The following TRIM26 variants were observed in gnomAD, a reference collection of about 807,000 sequenced individuals.
The protein encoded by TRIM26 is tripartite motif containing 26.
In TRIM26, 16 loss-of-function variants were observed where a neutral mutation model predicts 45.5. That is an observed-to-expected ratio of 0.35 (90% CI 0.24 to 0.53). The LOEUF (loss-of-function observed/expected upper bound fraction) is 0.53, where lower values mean the gene tolerates loss of function less well. TRIM26 is among the 20% of genes least tolerant of loss of function. The pLI is 0.92. For synonymous variants in TRIM26, 273 were observed against 290.4 expected, an observed-to-expected ratio of 0.94 and a Z score of 0.61; for missense variants, 442 against 691.1, an observed-to-expected ratio of 0.64 and a Z score of 4.04.
chr6:30,213,055 T>C (rs1027907057), intron 1 of TRIM26, among the ~76,000 whole-genome samples: 1 of 151,910 alleles, frequency 6.6e-6, no homozygotes, highest in Non-Finnish European at 1.5e-5. Flanking sequence ...CAGACTAGAA[T>C]GGATGGGAGT....
rs1193217324 is a variant in TRIM26, at chr6:30,186,586, A to C, written c.938-28T>G. The C allele has an allele frequency of 4.7e-6, 7 of 1,492,998 alleles. No homozygotes were observed. Among genetic ancestry groups the C allele is most frequent in the South Asian group, 1.4e-5 (1 of 70,142 alleles). The allele number at this position is 1,492,998 out of a possible 1,614,324, so 92.5% of individuals were successfully genotyped here. A position where few individuals can be genotyped will look rare whatever the true frequency, so the allele number is the denominator to read the frequency against. ...GTGGGGACAAGGGAAAAAAAAAAAAACAGCATCACTGTTTTGTTTTGTTTT... is the reference window on the plus strand; with the variant it reads ...GTGGGGACAAGGGAAAAAAAAAAAACCAGCATCACTGTTTTGTTTTGTTTT... On this transcript the variant is annotated intron_variant, in intron 9 of 9. Coordinates refer to ENST00000454678, the MANE Select transcript of TRIM26 (RefSeq NM_003449.5). The surrounding 1 kb of genome is among the most constrained non-coding windows in gnomAD (Gnocchi z 7.4).
Position 30,196,422 on chromosome 6 carries a change from G to A in TRIM26, c.765+94C>T. 8.1e-7 allele frequency: 1 copy of A among 1,229,846 alleles called. No individual in the cohort carries two copies. The highest frequency in any genetic ancestry group is 1.1e-6 in the Non-Finnish European group (1 of 878,510). The allele number at this position is 1,229,846 out of a possible 1,614,324, so 76.2% of individuals were successfully genotyped here. A position where few individuals can be genotyped will look rare whatever the true frequency, so the allele number is the denominator to read the frequency against. On this transcript the variant is annotated intron_variant, in intron 6 of 9. Transcript: ENST00000454678. This position sits in a 1 kb window ranked among gnomAD's most constrained non-coding sequence, Gnocchi z 4.9. ...TCTCCATGTTTCAGATGACAAAACT[G>A]AGCCCCCAAGTCTTCTAAGGTCCTG...
intron 6 of TRIM26, among the ~76,000 whole-genome samples, chr6:30,194,988 C>T (rs1424449190): frequency 1.3e-5 from 2 of 152,080 alleles, no homozygotes; most frequent in African/African-American, 4.8e-5. Context: ...AAAAAAGAAA[C>T]CTACCAGTAC....
rs1778072070 is a variant in TRIM26 at position 30,209,539 on chromosome 6, T to C, written c.-376+3766A>G. On this transcript the variant is annotated intron_variant, in intron 1 of 9. Coordinates refer to ENST00000454678, the MANE Select transcript of TRIM26 (RefSeq NM_003449.5). The surrounding 1 kb of genome is among the most constrained non-coding windows in gnomAD (Gnocchi z 4.8). Reference sequence around the variant, plus strand: ...GAACCGTGAGCTGAATAAACATCTGTTGTTTACAATTTACCCAGTCTGTGG... The same window carrying C: ...GAACCGTGAGCTGAATAAACATCTGCTGTTTACAATTTACCCAGTCTGTGG... 1.3e-5 allele frequency among the ~76,000 whole-genome samples: 2 copies of C among 152,172 alleles called. No individual in the cohort carries two copies. Among genetic ancestry groups the C allele is most frequent in the Non-Finnish European group, 2.9e-5 (2 of 68,034 alleles).
At chr6:30,191,245 G>C (rs972868267) in intron 6 of TRIM26, among the ~76,000 whole-genome samples, 1 of 152,062 alleles carries the variant, frequency 6.6e-6, no homozygotes, top group African/African-American at 2.4e-5. Context: ...GGGTGAGTGG[G>C]AAGAGGGCTA....
At chr6:30,213,150 G>C (rs538229207) in intron 1 of TRIM26, among the ~76,000 whole-genome samples, 155 bp downstream of exon 1, 1 of 152,228 alleles carries the variant, frequency 6.6e-6, no homozygotes, top group Non-Finnish European at 1.5e-5. Flanking sequence ...CTGGCTGGCA[G>C]GGAGGACGCA....
intron 3 of TRIM26, among the ~76,000 whole-genome samples, chr6:30,200,378 G>C (rs189188358): frequency 5.7e-4 from 87 of 152,368 alleles, no homozygotes; most frequent in African/African-American, 2.0e-3. Flanking sequence ...AGCTTCAGGA[G>C]TCTGACTGTC....
At chr6:30,212,924 A>C (rs1778433440) in intron 1 of TRIM26, among the ~76,000 whole-genome samples, 1 of 151,950 alleles carries the variant, frequency 6.6e-6, no homozygotes, top group Admixed American at 6.6e-5. Flanking sequence ...ACAAAAAAAA[A>C]AAAAAAAAAA....
chr6:30,198,567 TG>T lies in TRIM26; in HGVS notation c.439-44del. The T allele has an allele frequency of 1.2e-6, 2 of 1,612,428 alleles. No individual in the cohort carries two copies. The highest frequency in any genetic ancestry group is 2.2e-5 in the South Asian group (2 of 91,066). On this transcript the variant is annotated intron_variant, in intron 4 of 9. Transcript: ENST00000454678. The surrounding 1 kb of genome is among the most constrained non-coding windows in gnomAD (Gnocchi z 6.3). ...GTGGCAACAGGTGGATGCTCTGGGC[TG>T]GGGCAGGAAGGGAGACTCAGGCTGA...
chr6:30,194,886 A>G (rs1270425765), intron 6 of TRIM26, among the ~76,000 whole-genome samples: 3 of 152,094 alleles, frequency 2.0e-5, no homozygotes, highest in African/African-American at 7.2e-5. Flanking sequence ...ACAGAGCGAG[A>G]CTCTGTCTCA....
rs775553633 is a variant in TRIM26 at position 30,196,789 on chromosome 6, AGGGTGGAG to A, written c.535-51_535-44del. On this transcript the variant is annotated intron_variant, in intron 5 of 9. Coordinates refer to ENST00000454678, the MANE Select transcript of TRIM26 (RefSeq NM_003449.5). This position sits in a 1 kb window ranked among gnomAD's most constrained non-coding sequence, Gnocchi z 4.9. Reference sequence around the variant, plus strand: ...GGGAGAAGGGCTGACACCTCTGCTCAGGGTGGAGGGCCCAGTGCTGGAGGTGTGCAAGG... The same window carrying A: ...GGGAGAAGGGCTGACACCTCTGCTCAGGCCCAGTGCTGGAGGTGTGCAAGG... The A allele has an allele frequency of 3.1e-6, 5 of 1,599,570 alleles. No homozygotes were observed. The highest frequency in any genetic ancestry group is 3.3e-5 in the Admixed American group (2 of 59,772).
At chr6:30,204,001 G>A (rs993217752) in intron 2 of TRIM26, among the ~76,000 whole-genome samples, 8 of 152,190 alleles carry the variant, frequency 5.3e-5, no homozygotes, top group African/African-American at 9.7e-5. Context: ...TTGACACCTT[G>A]TAGAAGCTCA....
intron 1 of TRIM26, among the ~76,000 whole-genome samples, chr6:30,211,881 C>A (rs375022792): frequency 6.6e-6 from 1 of 152,146 alleles, no homozygotes; most frequent in Non-Finnish European, 1.5e-5. Context: ...ATCTTCCATG[C>A]AGAATAACTG....
chr6:30,185,867 T>C lies in TRIM26; in HGVS notation c.*9A>G. 1.9e-6 allele frequency: 3 copies of C among 1,604,820 alleles called. No individual in the cohort carries two copies. Among genetic ancestry groups the C allele is most frequent in the Non-Finnish European group, 2.6e-6 (3 of 1,174,898 alleles). On this transcript the variant is annotated 3_prime_UTR_variant, in exon 10 of 10. Transcript: ENST00000454678. The surrounding 1 kb of genome is among the most constrained non-coding windows in gnomAD (Gnocchi z 5.7). ...TCTGAGGGTTGGGGCTGGGGGCAGA[T>C]GTCAGGGCTCAGGGTCTTAGCAGGA...
In TRIM26 at chr6:30,186,200, TTCC is replaced by T. The variant is rs1194684584; in HGVS notation, c.1293_1295del (p.Glu432del). 116 of 1,594,094 alleles carry T rather than the reference TTCC, an allele frequency of 7.3e-5. No individual in the cohort carries two copies. The highest frequency in any genetic ancestry group is 9.7e-5 in the Non-Finnish European group (113 of 1,169,880). ...CCCCCACCATGCAGCTTTCCAGAAC[TTCC>T]TCCTCTTCCTCCTCCTCTTCTTCCT... is the stretch of plus-strand genomic sequence containing the variant. On this transcript the variant is annotated inframe_deletion, in exon 10 of 10. Coordinates refer to ENST00000454678, the MANE Select transcript of TRIM26 (RefSeq NM_003449.5). The surrounding 1 kb of genome is among the most constrained non-coding windows in gnomAD (Gnocchi z 7.4).
chr6:30,210,575 T>C (rs1322493814), intron 1 of TRIM26, among the ~76,000 whole-genome samples: 1 of 152,164 alleles, frequency 6.6e-6, no homozygotes, highest in African/African-American at 2.4e-5. Context: ...CCGCTAAAGA[T>C]ACATTCATAC....
rs937419516 is a variant in TRIM26, at chr6:30,196,233, A to T, written c.765+283T>A. On this transcript the variant is annotated intron_variant, in intron 6 of 9. Coordinates refer to ENST00000454678, the MANE Select transcript of TRIM26 (RefSeq NM_003449.5). This position sits in a 1 kb window ranked among gnomAD's most constrained non-coding sequence, Gnocchi z 4.9. ...GTGATGGCAGTGATGAGGATGGAGG[A>T]TGGTAAATGATATTAATAATCTTCC... Among the ~76,000 whole-genome samples the T allele has an allele frequency of 6.6e-6, 1 of 152,220 alleles. No individual in the cohort carries two copies. Among genetic ancestry groups the T allele is most frequent in the Non-Finnish European group, 1.5e-5 (1 of 68,028 alleles).
At chr6:30,191,405 A>T (rs1289699859) in intron 6 of TRIM26, among the ~76,000 whole-genome samples, 74 of 40,728 alleles carry the variant, frequency 1.8e-3, no homozygotes, top group Middle Eastern at 9.8e-3. Flanking sequence ...CAGAACAGTT[A>T]AAAAAAAAAA....
At chr6:30,201,992 G>A (rs527360715) in intron 2 of TRIM26, among the ~76,000 whole-genome samples, 2 of 152,352 alleles carry the variant, frequency 1.3e-5, no homozygotes, top group South Asian at 2.1e-4. Flanking sequence ...GGTACTGGGC[G>A]TGTCTGTGGG....
Sources: gnomAD v4.1 joint callset for allele counts (sites outside exome capture counted in the v4.1 genomes callset) on GRCh38, gnomAD v4.1.1 for gene constraint, Gnocchi (gnomAD v3.1) non-coding constraint, MANE v1.5 for transcripts, NCBI Gene and HGNC (gene_info 2026-07-23, HGNC 2026-07-21) for gene names.